Variants in CCSER1 observed in about 807,000 individuals in gnomAD.
CCSER1 encodes the protein coiled-coil serine rich protein 1.
CCSER1 carries 41 observed loss-of-function variants against 82.0 expected under a neutral mutation model. That is an observed-to-expected ratio of 0.50 (90% confidence interval 0.39 to 0.65). The LOEUF is 0.65. CCSER1 is among the 30% of genes least tolerant of loss of function. The pLI is 0.00. For missense variants in CCSER1, 1,119 were observed against 1,064.2 expected (o/e 1.05, Z -0.72); for synonymous variants, 414 against 383.9 (o/e 1.08, Z -0.92).
chr4:91,446,358 A>C (rs1755552559), intron 10 of CCSER1, among the ~76,000 whole-genome samples: 1 of 152,056 alleles, frequency 6.6e-6, no homozygotes, highest in African/African-American at 2.4e-5. Context: ...TGAACTACCA[A>C]GTTTTCTATA....
chr4:90,977,450 G>A (rs1735711691), intron 9 of CCSER1, among the ~76,000 whole-genome samples: 1 of 151,398 alleles, frequency 6.6e-6, no homozygotes, highest in Admixed American at 6.6e-5. Flanking sequence ...ATAATTATAT[G>A]TGCTTGAATT....
At chr4:90,248,249 G>A (rs1047651349) in intron 1 of CCSER1, among the ~76,000 whole-genome samples, 51 of 152,142 alleles carry the variant, frequency 3.4e-4, no homozygotes, top group East Asian at 3.8e-4. Context: ...TTCCTAGGGC[G>A]TGTCACACAA....
chr4:91,323,743 G>C (rs1746358326), intron 10 of CCSER1, among the ~76,000 whole-genome samples: 1 of 152,114 alleles, frequency 6.6e-6, no homozygotes, highest in Non-Finnish European at 1.5e-5. Flanking sequence ...TAAGCTTTCT[G>C]AACATAACAA....
intron 5 of CCSER1, among the ~76,000 whole-genome samples, chr4:90,626,340 T>C (rs1723259275): frequency 6.6e-6 from 1 of 152,184 alleles, no homozygotes; most frequent in Non-Finnish European, 1.5e-5. Flanking sequence ...ACTAAAGTAC[T>C]ACTCTAATTT....
At chr4:91,598,062 A>T (rs1362640607) in intron 10 of CCSER1, among the ~76,000 whole-genome samples, 1 of 152,180 alleles carries the variant, frequency 6.6e-6, no homozygotes, top group African/African-American at 2.4e-5. Flanking sequence ...AGATTCTTGT[A>T]GTTACTTGTG....
intron 5 of CCSER1, among the ~76,000 whole-genome samples, chr4:90,500,257 A>G (rs1477428205): frequency 6.6e-6 from 1 of 152,044 alleles, no homozygotes; most frequent in Non-Finnish European, 1.5e-5. Context: ...AATTACCCAC[A>G]GTGTTCTAAA....
At chr4:90,238,789 T>C (rs1322943768) in intron 1 of CCSER1, among the ~76,000 whole-genome samples, 1 of 152,176 alleles carries the variant, frequency 6.6e-6, no homozygotes, top group Non-Finnish European at 1.5e-5. Context: ...TGGAGCTCTA[T>C]AGGAATTAAA....
At chr4:90,430,853 T>C (rs980266041) in intron 4 of CCSER1, among the ~76,000 whole-genome samples, 2 of 152,008 alleles carry the variant, frequency 1.3e-5, no homozygotes, top group Non-Finnish European at 2.9e-5. Context: ...CTTTCTGTAA[T>C]GCTGGCTTAA....
At chr4:90,981,333 A>G (rs1407311756) in intron 9 of CCSER1, among the ~76,000 whole-genome samples, 1 of 151,836 alleles carries the variant, frequency 6.6e-6, no homozygotes, top group Non-Finnish European at 1.5e-5. Context: ...AGGAAACCCA[A>G]ATAAAGACAG....
intron 7 of CCSER1, among the ~76,000 whole-genome samples, chr4:90,742,121 G>C (rs1746650089): frequency 6.6e-6 from 1 of 151,988 alleles, no homozygotes; most frequent in Non-Finnish European, 1.5e-5. Context: ...AAAGGGGGAA[G>C]TGCTACACAC....
At chr4:90,605,370 C>T (rs1324224244) in intron 5 of CCSER1, among the ~76,000 whole-genome samples, 1 of 152,058 alleles carries the variant, frequency 6.6e-6, no homozygotes, top group Non-Finnish European at 1.5e-5. Flanking sequence ...ATTATGTTTA[C>T]AAGATGTTAT....
chr4:91,405,919 T>C (rs747954766), intron 10 of CCSER1, among the ~76,000 whole-genome samples: 2 of 152,054 alleles, frequency 1.3e-5, no homozygotes, highest in African/African-American at 2.4e-5. Context: ...GGTACCTCAA[T>C]TGGAAATGCA....
chr4:91,381,842 T>G (rs1313768073), intron 10 of CCSER1, among the ~76,000 whole-genome samples: 3 of 152,198 alleles, frequency 2.0e-5, no homozygotes, highest in Non-Finnish European at 4.4e-5. Flanking sequence ...CTTTCAGCTT[T>G]TCTGCTCTGT....
intron 6 of CCSER1, among the ~76,000 whole-genome samples, chr4:90,710,083 T>C (rs1666598780): frequency 2.0e-5 from 3 of 152,148 alleles, no homozygotes; most frequent in Admixed American, 2.0e-4. Context: ...CATGTATGTC[T>C]TCTTTTGAGA....
Position 91,398,552 on chromosome 4 carries a change from G to A in CCSER1, c.2218-200020G>A, listed in dbSNP as rs918810656. Among the ~76,000 whole-genome samples the A allele has an allele frequency of 9.2e-5, 14 of 151,990 alleles. No individual in the cohort carries two copies. The East Asian group carries it at 2.3e-3, about 25-fold the overall frequency. ...AAAAGCACAGAATTAATTCATTAAT[G>A]TACAAGATCACTTTTATTATTGGGG... is the stretch of plus-strand genomic sequence containing the variant. On this transcript the variant is annotated intron_variant, in intron 10 of 10. Coordinates refer to ENST00000509176, the MANE Select transcript of CCSER1 (RefSeq NM_001145065.2).
intron 5 of CCSER1, among the ~76,000 whole-genome samples, chr4:90,605,149 C>T (rs1055212759): frequency 6.6e-6 from 1 of 152,142 alleles, no homozygotes; most frequent in Non-Finnish European, 1.5e-5. Flanking sequence ...GACCACGAAC[C>T]CCCCAGAAGG....
At chr4:90,558,904 G>T (rs1778413279) in intron 5 of CCSER1, among the ~76,000 whole-genome samples, 1 of 152,168 alleles carries the variant, frequency 6.6e-6, no homozygotes, top group African/African-American at 2.4e-5. Flanking sequence ...ATGTGAAATA[G>T]CCTTAGAGTT....
intron 1 of CCSER1, among the ~76,000 whole-genome samples, chr4:90,217,551 T>C (rs1277053005): frequency 6.6e-6 from 1 of 152,180 alleles, no homozygotes; most frequent in Non-Finnish European, 1.5e-5. Flanking sequence ...AGAGATAGGC[T>C]GACTTCTTCT....
chr4:91,541,285 T>C (rs966396142), intron 10 of CCSER1, among the ~76,000 whole-genome samples: 1 of 152,222 alleles, frequency 6.6e-6, no homozygotes, highest in Non-Finnish European at 1.5e-5. Context: ...ACGTGCAGGT[T>C]TGTTACATAT....
Sources: gnomAD v4.1 joint callset for allele counts (sites outside exome capture counted in the v4.1 genomes callset) on GRCh38, gnomAD v4.1.1 for gene constraint, MANE v1.5 for transcripts, NCBI Gene and HGNC (gene_info 2026-07-23, HGNC 2026-07-21) for gene names.